The following FER variants were observed in gnomAD, a reference collection of about 807,000 sequenced individuals.
FER encodes the protein tyrosine-protein kinase Fer.
A neutral mutation model predicts 111.0 loss-of-function variants in FER; 63 were observed. That is an observed-to-expected ratio of 0.57 (90% confidence interval 0.46 to 0.70). The LOEUF (loss-of-function observed/expected upper bound fraction) is 0.70. Among genes scored for constraint, FER ranks in the 30% least tolerant of loss-of-function variants. FER has a pLI of 0.00. For missense variants in FER, 914 were observed against 954.0 expected, an observed-to-expected ratio of 0.96 and a Z score of 0.55; for synonymous variants, 327 against 313.9, an observed-to-expected ratio of 1.04 and a Z score of -0.44.
intron 10 of FER, among the ~76,000 whole-genome samples, chr5:108,934,653 AAGTT>A (rs1239791021): frequency 9.2e-5 from 14 of 152,166 alleles, no homozygotes; most frequent in Admixed American, 5.2e-4. Flanking sequence ...AGCAAATAAA[AAGTT>A]AGCTAGTTTT....
At chr5:108,953,954 A>G (rs144027895) in intron 11 of FER, among the ~76,000 whole-genome samples, 91 of 152,224 alleles carry the variant, frequency 6.0e-4, no homozygotes, top group South Asian at 1.0e-3. Context: ...TTAATCTACT[A>G]TCAGCACATT....
chr5:109,175,163 A>G (rs376555638), intron 17 of FER, among the ~76,000 whole-genome samples: 3 of 152,214 alleles, frequency 2.0e-5, no homozygotes, highest in African/African-American at 7.2e-5. Flanking sequence ...AGAAAGGGAA[A>G]AGAGGCAGAT....
At chr5:109,029,040 T>C (rs576702057) in intron 13 of FER, among the ~76,000 whole-genome samples, 8 of 152,310 alleles carry the variant, frequency 5.3e-5, no homozygotes, top group African/African-American at 1.9e-4. Flanking sequence ...TATTACTCAG[T>C]AACTTTTGAA....
At chr5:108,997,940 T>TA (rs1392363949) in intron 13 of FER, among the ~76,000 whole-genome samples, 1 of 151,890 alleles carries the variant, frequency 6.6e-6, no homozygotes. Flanking sequence ...ACTGTGAGGG[T>TA]AAAACCACCT....
chr5:109,056,730 C>A (rs1481494395), intron 16 of FER, among the ~76,000 whole-genome samples: 1 of 151,848 alleles, frequency 6.6e-6, no homozygotes, highest in African/African-American at 2.4e-5. Context: ...TCTTGTCACA[C>A]AAAAAAATGG....
intron 17 of FER, among the ~76,000 whole-genome samples, chr5:109,154,587 A>G (rs1001909054): frequency 6.6e-6 from 1 of 151,924 alleles, no homozygotes; most frequent in African/African-American, 2.4e-5. Flanking sequence ...TTAGATAAAG[A>G]TGGAAGGAAA....
chr5:108,907,901 G>A (rs1016804625), intron 10 of FER, among the ~76,000 whole-genome samples: 1 of 151,674 alleles, frequency 6.6e-6, no homozygotes, highest in South Asian at 2.1e-4. Flanking sequence ...GTACATTTTC[G>A]AGAAAATTGA....
chr5:108,897,606 T>A, intron 9 of FER, 53 bp from the exon 10 acceptor site: 6 of 1,290,112 alleles, frequency 4.7e-6, no homozygotes, highest in Non-Finnish European at 6.2e-6. Context: ...ATATGAGGTT[T>A]CCTTAATGTC....
intron 2 of FER, 61 bp from the exon 3 acceptor site, chr5:108,798,063 T>TG (rs1384310394): frequency 7.7e-6 from 5 of 651,638 alleles, no homozygotes; most frequent in Non-Finnish European, 1.3e-5. Context: ...ATAACTTTTT[T>TG]TTTTTTGAAG....
At chr5:109,121,882 T>C (rs1025945741) in intron 17 of FER, among the ~76,000 whole-genome samples, 3 of 152,158 alleles carry the variant, frequency 2.0e-5, no homozygotes, top group Admixed American at 2.0e-4. Context: ...TGTATTGGCT[T>C]ATAGTTCCTC....
chr5:108,864,101 A>G (rs1245528784), intron 5 of FER, among the ~76,000 whole-genome samples: 1 of 152,224 alleles, frequency 6.6e-6, no homozygotes, highest in Admixed American at 6.5e-5. Flanking sequence ...ACATTTTGTT[A>G]AAAACTTGGA....
intron 16 of FER, among the ~76,000 whole-genome samples, chr5:109,091,014 A>G (rs1053701608): frequency 2.0e-5 from 3 of 152,228 alleles, no homozygotes; most frequent in African/African-American, 7.2e-5. Context: ...CAAAAGGGGA[A>G]CAGAGCATAA....
chr5:108,920,507 C>T (rs190500062), intron 10 of FER, among the ~76,000 whole-genome samples: 4 of 147,010 alleles, frequency 2.7e-5, no homozygotes, highest in African/African-American at 7.9e-5. Context: ...ATCTGCCATT[C>T]CCACAGTCTT....
chr5:108,997,431 AAAG>A (rs1764141988), intron 13 of FER, among the ~76,000 whole-genome samples: 1 of 151,732 alleles, frequency 6.6e-6, no homozygotes, highest in Non-Finnish European at 1.5e-5. Context: ...AAAAAAAAAA[AAAG>A]AGATTTTGGG....
intron 9 of FER, among the ~76,000 whole-genome samples, chr5:108,887,597 CTAAA>C (rs1189400994): frequency 6.6e-6 from 1 of 151,788 alleles, no homozygotes; most frequent in East Asian, 1.9e-4. Flanking sequence ...ATTAAATACA[CTAAA>C]TATGCTAAAT....
At position 108,798,354 on chromosome 5, in the gene FER, A is replaced by G. The variant is rs1006902029; in HGVS notation, c.172A>G (p.Thr58Ala). 1.9e-6 allele frequency: 3 copies of G among 1,613,686 alleles called. No homozygotes were observed. The highest frequency in any genetic ancestry group is 2.7e-5 in the African/African-American group (2 of 74,946). The change falls in exon 3 of 20, where the codon ACT becomes GCT. Residue 58 changes from threonine (T) to alanine (A), a missense_variant. By Grantham distance (58) the Thr-to-Ala change is moderately conservative. Transcript: ENST00000281092. ...NLCNQVDKES[T>A]VQMNYVSNVS... ...TTGTAATCAAGTTGATAAGGAAAGT[A>G]CTGTCCAAATGAATTATGTCAGCAA...
chr5:108,802,775 C>A (rs77512749), intron 3 of FER, among the ~76,000 whole-genome samples: 1 of 151,940 alleles, frequency 6.6e-6, no homozygotes, highest in Non-Finnish European at 1.5e-5. Context: ...TTAAAACTTA[C>A]GAATTTTCTG....
chr5:108,921,963 A>T (rs1186179839), intron 10 of FER, among the ~76,000 whole-genome samples: 1 of 152,182 alleles, frequency 6.6e-6, no homozygotes, highest in African/African-American at 2.4e-5. Context: ...CTGTAGTTGT[A>T]AACTAGTTAA....
chr5:109,075,648 C>T (rs1186537765), intron 16 of FER, among the ~76,000 whole-genome samples: 2 of 152,044 alleles, frequency 1.3e-5, no homozygotes, highest in Admixed American at 6.5e-5. Context: ...TGGTCTCAAT[C>T]TCCTGACCTC....
Sources: gnomAD v4.1 joint callset for allele counts (sites outside exome capture counted in the v4.1 genomes callset) on GRCh38, gnomAD v4.1.1 for gene constraint, MANE v1.5 for transcripts, NCBI Gene and HGNC (gene_info 2026-07-23, HGNC 2026-07-21) for gene names.